KLHL1: variants seen among roughly 807,000 people sequenced by gnomAD.
KLHL1 encodes kelch-like protein 1.
Under a neutral mutation model 77.7 loss-of-function variants are expected in KLHL1, and 47 were observed. That is an observed-to-expected ratio of 0.60 (90% CI 0.48 to 0.77). KLHL1 has a LOEUF of 0.77. Ranked by LOEUF, KLHL1 falls within the 30% of genes least tolerant of loss-of-function variation. The probability of loss-of-function intolerance (pLI) is 0.00; values close to 1 mark genes in which losing one functional copy is unlikely to be tolerated. For synonymous variants in KLHL1, 360 were observed against 325.2 expected (o/e 1.11, Z -1.15); for missense variants, 925 against 910.8 (o/e 1.02, Z -0.20).
At chr13:69,748,414 C>A (rs1399787713) in intron 7 of KLHL1, among the ~76,000 whole-genome samples, 1 of 151,986 alleles carries the variant, frequency 6.6e-6, no homozygotes, top group African/African-American at 2.4e-5. Context: ...TAGGAAAATG[C>A]AAAAGCGGAA....
intron 1 of KLHL1, among the ~76,000 whole-genome samples, chr13:70,065,240 T>C (rs1739440297): frequency 6.6e-6 from 1 of 152,210 alleles, no homozygotes; most frequent in South Asian, 2.1e-4. Flanking sequence ...AATTAAATAT[T>C]ATGTAAGTTA....
Position 69,711,143 on chromosome 13 carries a change from T to C in KLHL1, c.2016-3347A>G, listed in dbSNP as rs539364486. Among the ~76,000 whole-genome samples, 8 of 152,250 alleles carry C rather than the reference T, an allele frequency of 5.3e-5. No individual in the cohort carries two copies. The East Asian group carries it at 1.5e-3, about 29-fold the overall frequency. On this transcript the variant is annotated intron_variant, in intron 9 of 10. Coordinates refer to ENST00000377844, the MANE Select transcript of KLHL1 (RefSeq NM_020866.3). ...AGGATAATAATCGGCCTTAACATTT[T>C]TGAGGAAAATTGTTTTAAATATAAA...
intron 3 of KLHL1, among the ~76,000 whole-genome samples, chr13:69,955,919 A>T (rs964234218): frequency 8.3e-6 from 1 of 120,730 alleles, no homozygotes. Context: ...TTTGATATAT[A>T]TATTTATATA....
chr13:69,732,911 G>C (rs1419137572), intron 8 of KLHL1, among the ~76,000 whole-genome samples: 1 of 152,046 alleles, frequency 6.6e-6, no homozygotes, highest in African/African-American at 2.4e-5. Flanking sequence ...CTGAATTTCA[G>C]TGCACAGGGC....
intron 3 of KLHL1, among the ~76,000 whole-genome samples, chr13:69,955,012 A>T (rs1883824467): frequency 6.6e-6 from 1 of 151,224 alleles, no homozygotes; most frequent in Non-Finnish European, 1.5e-5. Context: ...ATGGGCAATA[A>T]TAATACATAA....
chr13:69,919,210 A>T (rs1287819216), intron 4 of KLHL1, among the ~76,000 whole-genome samples: 2 of 152,288 alleles, frequency 1.3e-5, no homozygotes, highest in East Asian at 3.9e-4. Flanking sequence ...TTCTATACTG[A>T]GAAGAACATT....
At chr13:69,725,015 G>A (rs1416636879) in intron 8 of KLHL1, among the ~76,000 whole-genome samples, 1 of 152,090 alleles carries the variant, frequency 6.6e-6, no homozygotes, top group Non-Finnish European at 1.5e-5. Flanking sequence ...ACATGTGGTG[G>A]GTTTGTTTCA....
At chr13:69,933,059 T>A (rs549117805) in intron 4 of KLHL1, among the ~76,000 whole-genome samples, 38 of 152,152 alleles carry the variant, frequency 2.5e-4, no homozygotes, top group African/African-American at 9.1e-4. Flanking sequence ...TTAGTTCTTT[T>A]CAACATTAAA....
chr13:69,950,813 T>C (rs942361418), intron 3 of KLHL1, among the ~76,000 whole-genome samples: 1 of 151,598 alleles, frequency 6.6e-6, no homozygotes, highest in African/African-American at 2.4e-5. Context: ...ATTCTGTTGC[T>C]TAATGCATGA....
intron 1 of KLHL1, among the ~76,000 whole-genome samples, chr13:70,091,702 T>A (rs1267033648): frequency 6.6e-6 from 1 of 152,194 alleles, no homozygotes; most frequent in Non-Finnish European, 1.5e-5. Context: ...TTATTTATTT[T>A]GTCTTTTGGA....
At chr13:69,779,148 C>T (rs1305061872) in intron 7 of KLHL1, among the ~76,000 whole-genome samples, 1 of 151,990 alleles carries the variant, frequency 6.6e-6, no homozygotes, top group Non-Finnish European at 1.5e-5. Context: ...TGATTCCTAG[C>T]ATTAAAAAAT....
rs554301937 is a variant in KLHL1, at chr13:70,018,360, G to T, written c.498-42558C>A. Among the ~76,000 whole-genome samples, 8 of 152,308 alleles carry T rather than the reference G, an allele frequency of 5.3e-5. No individual in the cohort carries two copies. In the South Asian group the frequency reaches 1.7e-3, roughly 32 times the overall value. ...CTGAGACTTGAACTCAAATAGTGGG[G>T]TTATGTCTGGTCTCTGAATCTCCAT... On this transcript the variant is annotated intron_variant, in intron 1 of 10. Coordinates refer to ENST00000377844, the MANE Select transcript of KLHL1 (RefSeq NM_020866.3).
At chr13:70,022,537 G>A (rs922650596) in intron 1 of KLHL1, among the ~76,000 whole-genome samples, 8 of 151,550 alleles carry the variant, frequency 5.3e-5, no homozygotes, top group Non-Finnish European at 1.0e-4. Flanking sequence ...GATCAAACAG[G>A]AATATTATGA....
chr13:69,847,384 T>G (rs2138124894), intron 5 of KLHL1, among the ~76,000 whole-genome samples: 1 of 144,876 alleles, frequency 6.9e-6, no homozygotes, highest in Admixed American at 7.2e-5. Context: ...ATTCCTTAAG[T>G]TAGAGTAATA....
chr13:69,712,309 T>C (rs1014590397), intron 9 of KLHL1, among the ~76,000 whole-genome samples: 1 of 152,034 alleles, frequency 6.6e-6, no homozygotes, highest in African/African-American at 2.4e-5. Context: ...AACAGCTTTA[T>C]TGTTTTATGG....
intron 6 of KLHL1, among the ~76,000 whole-genome samples, chr13:69,823,416 G>A (rs369096082): frequency 2.6e-5 from 4 of 151,886 alleles, no homozygotes; most frequent in Admixed American, 6.6e-5. Context: ...TTGGTGAGGC[G>A]TTAGGCTCTA....
chr13:69,814,955 G>T (rs903787276), intron 6 of KLHL1, among the ~76,000 whole-genome samples: 1 of 152,090 alleles, frequency 6.6e-6, no homozygotes, highest in African/African-American at 2.4e-5. Flanking sequence ...AGGTTGCAGT[G>T]AGCCGAGATC....
chr13:69,782,473 CT>C (rs1351703160), intron 7 of KLHL1, among the ~76,000 whole-genome samples: 1 of 152,202 alleles, frequency 6.6e-6, no homozygotes, highest in African/African-American at 2.4e-5. Context: ...TAATACTGTG[CT>C]TTTCCAACGG....
chr13:69,740,626 G>A, intron 7 of KLHL1, 70 bp from the exon 8 acceptor site: 1 of 1,187,054 alleles, frequency 8.4e-7, no homozygotes, highest in African/African-American at 1.5e-5. Flanking sequence ...AATCTGTTAA[G>A]TGGGTAGATC....
Sources: allele counts gnomAD v4.1 joint callset (sites outside exome capture counted in the v4.1 genomes callset), GRCh38; gene constraint gnomAD v4.1.1; transcripts MANE v1.5; gene names NCBI Gene and HGNC (gene_info 2026-07-23, HGNC 2026-07-21).